The following RGP1 variants were observed in gnomAD, a reference collection of about 807,000 sequenced individuals.
The protein encoded by RGP1 is RAB6A-GEF complex partner protein 2.
Under a neutral mutation model 44.5 loss-of-function variants are expected in RGP1, and 28 were observed. The ratio of observed to expected loss-of-function variants is 0.63; its 90% confidence interval spans 0.47 to 0.86. The LOEUF (loss-of-function observed/expected upper bound fraction) is 0.86. Ranked by LOEUF, RGP1 falls within the 40% of genes least tolerant of loss-of-function variation. The pLI is 0.00. For synonymous variants in RGP1, 212 were observed against 196.7 expected, an observed-to-expected ratio of 1.08 and a Z score of -0.65; for missense variants, 417 against 490.7, an observed-to-expected ratio of 0.85 and a Z score of 1.42.
chr9:35,778,849 A>T, the RGP1 span, among the ~76,000 whole-genome samples: 3 of 152,178 alleles, frequency 2.0e-5, no homozygotes, highest in Non-Finnish European at 4.4e-5. Flanking sequence ...TTATATTTTA[A>T]TGGGGAAAAG....
the RGP1 span, among the ~76,000 whole-genome samples, chr9:35,779,874 G>A: frequency 2.0e-5 from 3 of 151,852 alleles, no homozygotes; most frequent in African/African-American, 7.2e-5. Flanking sequence ...ATCTGGGACT[G>A]CAGGTTATGT....
At position 35,753,511 on chromosome 9, in the gene RGP1, CT is replaced by C; in HGVS notation, c.*640del. On this transcript the variant is annotated 3_prime_UTR_variant, in exon 9 of 9. Transcript: ENST00000378078. The surrounding 1 kb of genome is among the most constrained non-coding windows in gnomAD (Gnocchi z 4.2). ...CCTGATTTATAGCCTGAAGCCTTATCTTTCACACTAGTGTTGGTCCCTTCAG... is the reference window on the plus strand; with the variant it reads ...CCTGATTTATAGCCTGAAGCCTTATCTTCACACTAGTGTTGGTCCCTTCAG... 1.3e-6 allele frequency: 1 copy of C among 784,154 alleles called. No individual in the cohort carries two copies. The highest frequency in any genetic ancestry group is 2.1e-6 in the Non-Finnish European group (1 of 485,512). The allele number at this position is 784,154 out of a possible 1,614,324, so 48.6% of individuals were successfully genotyped here. A position where few individuals can be genotyped will look rare whatever the true frequency, so the allele number is the denominator to read the frequency against.
chr9:35,788,581 A>AAAAAG, the RGP1 span, among the ~76,000 whole-genome samples: 986 of 151,458 alleles, frequency 6.5e-3, 10 homozygotes, highest in African/African-American at 0.023. Flanking sequence ...AAGAAAAAAA[A>AAAAAG]AAAAAGAAAA....
rs1000318678 is a variant in RGP1, at chr9:35,758,183, T to G, written c.*5309T>G. 6.6e-6 allele frequency: 1 copy of G among 152,234 alleles called. No homozygotes were observed. Among genetic ancestry groups the G allele is most frequent in the Non-Finnish European group, 1.5e-5 (1 of 68,048 alleles). 9.4% of individuals were successfully genotyped at this position (152,234 alleles called of 1,614,324 possible). On this transcript the variant is annotated 3_prime_UTR_variant, in exon 9 of 9. Coordinates refer to ENST00000378078, the MANE Select transcript of RGP1 (RefSeq NM_001080496.3). ...TCTGTGTAGCCCTCTAACCTGCCCT[T>G]TATATTTTGAACCAAATAAAACATT...
At chr9:35,759,359 G>GT (rs1307143916), downstream of RGP1, among the ~76,000 whole-genome samples, 1 of 152,030 alleles carries the variant, frequency 6.6e-6, no homozygotes, top group African/African-American at 2.4e-5. Flanking sequence ...GAGACCAGGA[G>GT]TTTGAGACCA....
At chr9:35,769,444 A>G in the RGP1 span, among the ~76,000 whole-genome samples, 1 of 152,212 alleles carries the variant, frequency 6.6e-6, no homozygotes, top group Admixed American at 6.5e-5. Flanking sequence ...CACTGAGGAC[A>G]CAGTATTTTG....
At position 35,751,373 on chromosome 9, in the gene RGP1, G is replaced by T; in HGVS notation, c.595G>T (p.Gly199Trp). ...KKDSWLAELA[G>W]ERLMAATSCR... ...AGATTCATGGCTAGCTGAGCTGGCT[G>T]GGGAACGCCTAATGGCTGCCACATC... Residue 199 changes from glycine to tryptophan, a missense_variant, in exon 6 of 9, where the codon GGG becomes TGG. Coordinates refer to ENST00000378078, the MANE Select transcript of RGP1 (RefSeq NM_001080496.3). 6.2e-7 allele frequency: 1 copy of T among 1,613,972 alleles called. No homozygotes were observed. The highest frequency in any genetic ancestry group is 2.2e-5 in the East Asian group (1 of 44,878).
the RGP1 span, among the ~76,000 whole-genome samples, chr9:35,786,289 G>A: frequency 6.6e-6 from 1 of 152,214 alleles, no homozygotes; most frequent in Non-Finnish European, 1.5e-5. Flanking sequence ...CTCAGTGAAA[G>A]ATTTTGTGAA....
At chr9:35,779,091 G>T in the RGP1 span, among the ~76,000 whole-genome samples, 1 of 152,242 alleles carries the variant, frequency 6.6e-6, no homozygotes, top group Admixed American at 6.5e-5. Context: ...GGTGACTAGG[G>T]TCCAAAGCTG....
rs775058729 is a variant in RGP1, at chr9:35,750,393, A to G, written c.253+14A>G. ...TGCCACACCGAGGTTAGAGAGGGGC[A>G]TTTGCCTGGGAGAGGGGGGGTGCGG... On this transcript the variant is annotated intron_variant, in intron 3 of 8. Transcript: ENST00000378078. 7 of 1,613,508 alleles carry G rather than the reference A, an allele frequency of 4.3e-6. No homozygotes were observed. Among genetic ancestry groups the G allele is most frequent in the Non-Finnish European group, 5.9e-6 (7 of 1,179,672 alleles).
At chr9:35,771,183 G>A in the RGP1 span, among the ~76,000 whole-genome samples, 3 of 152,004 alleles carry the variant, frequency 2.0e-5, no homozygotes, top group African/African-American at 7.3e-5. Flanking sequence ...AGTAACTTCC[G>A]TAACAAATAT....
chr9:35,750,506 G>A, intron 3 of RGP1, 127 bp downstream of exon 3: 1 of 1,329,434 alleles, frequency 7.5e-7, no homozygotes, highest in Non-Finnish European at 1.1e-6. Flanking sequence ...GGATGTTGGG[G>A]AGCATGACTA....
the RGP1 span, among the ~76,000 whole-genome samples, chr9:35,764,708 G>T: frequency 2.0e-5 from 3 of 152,072 alleles, no homozygotes; most frequent in African/African-American, 4.8e-5. Context: ...ACACTGATCT[G>T]GTTTCTATCA....
the RGP1 span, among the ~76,000 whole-genome samples, chr9:35,778,919 C>A: frequency 6.6e-6 from 1 of 152,152 alleles, no homozygotes; most frequent in East Asian, 1.9e-4. Context: ...CTTCTTTATT[C>A]TGCCTGAACT....
chr9:35,779,876 AG>A, the RGP1 span, among the ~76,000 whole-genome samples: 2 of 152,102 alleles, frequency 1.3e-5, no homozygotes, highest in African/African-American at 4.8e-5. Flanking sequence ...CTGGGACTGC[AG>A]GTTATGTGCC....
At position 35,749,998 on chromosome 9, in the gene RGP1, A is replaced by G. The variant is rs1827208501; in HGVS notation, c.116+127A>G. On this transcript the variant is annotated intron_variant, in intron 2 of 8. Transcript: ENST00000378078. This position sits in a 1 kb window ranked among gnomAD's most constrained non-coding sequence, Gnocchi z 4.4. Reference sequence around the variant, plus strand: ...CTCTTGCTCACTGTGCTGTCATTGTAGGAGAGGGCTCTTTAACAGAAGATG... The same window carrying G: ...CTCTTGCTCACTGTGCTGTCATTGTGGGAGAGGGCTCTTTAACAGAAGATG... 2.3e-6 allele frequency: 2 copies of G among 863,388 alleles called. No individual in the cohort carries two copies. Among genetic ancestry groups the G allele is most frequent in the Non-Finnish European group, 3.6e-6 (2 of 554,396 alleles). 53.5% of individuals were successfully genotyped at this position (863,388 alleles called of 1,614,324 possible). A position where few individuals can be genotyped will look rare whatever the true frequency, so the allele number is the denominator to read the frequency against.
At chr9:35,783,124 C>T in the RGP1 span, among the ~76,000 whole-genome samples, 1 of 151,996 alleles carries the variant, frequency 6.6e-6, no homozygotes, top group Non-Finnish European at 1.5e-5. Flanking sequence ...TTTTTTTATT[C>T]ATTTATTCAT....
chr9:35,766,412 T>G, the RGP1 span, among the ~76,000 whole-genome samples: 1 of 152,200 alleles, frequency 6.6e-6, no homozygotes, highest in Non-Finnish European at 1.5e-5. Flanking sequence ...AAAAATATTT[T>G]CCCCTAATTG....
chr9:35,759,335 C>T (rs1053047205), downstream of RGP1, among the ~76,000 whole-genome samples: 2 of 152,052 alleles, frequency 1.3e-5, no homozygotes, highest in African/African-American at 2.4e-5. Flanking sequence ...GAGGCCGAGG[C>T]AGGCAGATTG....
Sources: allele counts gnomAD v4.1 joint callset (sites outside exome capture counted in the v4.1 genomes callset), GRCh38; gene constraint gnomAD v4.1.1; non-coding constraint Gnocchi (gnomAD v3.1); transcripts MANE v1.5; gene names NCBI Gene and HGNC (gene_info 2026-07-23, HGNC 2026-07-21).